Variants in THSD7B observed in about 807,000 individuals in gnomAD.
The protein encoded by THSD7B is thrombospondin type-1 domain-containing protein 7B.
THSD7B carries 138 observed loss-of-function variants against 213.6 expected under a neutral mutation model. The observed-to-expected ratio is 0.65, with a 90% CI of 0.56 to 0.74. THSD7B has a LOEUF of 0.74. Ranked by LOEUF, THSD7B falls within the 30% of genes least tolerant of loss-of-function variation. THSD7B has a pLI of 0.00. For missense variants in THSD7B, 1,931 were observed against 1,991.5 expected (o/e 0.97, Z 0.58); for synonymous variants, 742 against 687.0 (o/e 1.08, Z -1.25).
chr2:137,044,048 G>T (rs1040217424), intron 2 of THSD7B, among the ~76,000 whole-genome samples: 1 of 152,034 alleles, frequency 6.6e-6, no homozygotes, highest in South Asian at 2.1e-4. Flanking sequence ...GGTTTTAGTC[G>T]GGAACCTGTA....
At chr2:136,801,149 A>G (rs988613972) in intron 1 of THSD7B, among the ~76,000 whole-genome samples, 3 of 152,098 alleles carry the variant, frequency 2.0e-5, no homozygotes, top group Non-Finnish European at 4.4e-5. Flanking sequence ...ATTTACTCCG[A>G]CAAATGATGT....
chr2:136,903,919 CTGTGA>C (rs201500888), intron 2 of THSD7B, among the ~76,000 whole-genome samples: 5,973 of 146,796 alleles, frequency 0.041, 187 homozygotes, highest in South Asian at 0.077. Context: ...CAGAGTCTTC[CTGTGA>C]GGTGTGTGTG....
chr2:137,650,638 G>A (rs1314776779), intron 21 of THSD7B, among the ~76,000 whole-genome samples: 1 of 152,176 alleles, frequency 6.6e-6, no homozygotes, highest in Non-Finnish European at 1.5e-5. Context: ...AGTGGTAAAA[G>A]TAGGCATCCT....
chr2:137,213,449 A>C (rs1681166690), intron 7 of THSD7B, among the ~76,000 whole-genome samples: 1 of 148,050 alleles, frequency 6.8e-6, no homozygotes, highest in Non-Finnish European at 1.5e-5. Flanking sequence ...ATATATTATA[A>C]TATATTGTCA....
chr2:136,853,146 T>C (rs1683127410), intron 1 of THSD7B, among the ~76,000 whole-genome samples: 1 of 152,116 alleles, frequency 6.6e-6, no homozygotes, highest in African/African-American at 2.4e-5. Flanking sequence ...TATTCCACTG[T>C]ACAGCCCTCT....
chr2:137,478,445 C>T (rs1023901940), intron 15 of THSD7B, among the ~76,000 whole-genome samples: 1 of 152,040 alleles, frequency 6.6e-6, no homozygotes, highest in Admixed American at 6.5e-5. Flanking sequence ...TTGTTATCCA[C>T]CTCTGGTAAA....
chr2:137,497,212 G>GACACACAC (rs58249868), intron 15 of THSD7B, among the ~76,000 whole-genome samples: 3 of 150,228 alleles, frequency 2.0e-5, no homozygotes, highest in Admixed American at 2.0e-4. Context: ...CACACACACA[G>GACACACAC]ACACACACAC....
intron 2 of THSD7B, among the ~76,000 whole-genome samples, chr2:136,994,272 A>G (rs1018846715): frequency 5.9e-5 from 9 of 152,234 alleles, no homozygotes; most frequent in Non-Finnish European, 1.2e-4. Flanking sequence ...TGAAAATCTA[A>G]GAAAGCCTAT....
At chr2:137,098,214 C>A (rs898499290) in intron 4 of THSD7B, among the ~76,000 whole-genome samples, 1 of 152,120 alleles carries the variant, frequency 6.6e-6, no homozygotes, top group African/African-American at 2.4e-5. Context: ...CTATTTGATT[C>A]TTCATAGTGT....
intron 12 of THSD7B, among the ~76,000 whole-genome samples, chr2:137,327,255 G>A (rs1430962609): frequency 6.6e-6 from 1 of 152,188 alleles, no homozygotes; most frequent in East Asian, 1.9e-4. Flanking sequence ...GACATTCTGT[G>A]ACATCTGCTG....
At chr2:137,187,850 C>T (rs746011608) in intron 7 of THSD7B, among the ~76,000 whole-genome samples, 1 of 151,942 alleles carries the variant, frequency 6.6e-6, no homozygotes, top group Non-Finnish European at 1.5e-5. Flanking sequence ...ATTTATTTTA[C>T]TTATTTTTAA....
chr2:137,312,920 C>A (rs1484958437), intron 12 of THSD7B, among the ~76,000 whole-genome samples: 2 of 150,640 alleles, frequency 1.3e-5, no homozygotes, highest in African/African-American at 2.4e-5. Flanking sequence ...GAGAGCTTTA[C>A]TTCCAAGTAT....
intron 2 of THSD7B, among the ~76,000 whole-genome samples, chr2:136,892,580 C>T: frequency 6.6e-6 from 1 of 151,516 alleles, no homozygotes; most frequent in Non-Finnish European, 1.5e-5. Context: ...TCACGTATAT[C>T]CTCTCTTTTG....
intron 1 of THSD7B, among the ~76,000 whole-genome samples, chr2:136,800,309 G>C (rs891721552): frequency 6.6e-6 from 1 of 151,792 alleles, no homozygotes; most frequent in African/African-American, 2.4e-5. Flanking sequence ...CCTTTAGGGA[G>C]GTGATTAAGC....
intron 2 of THSD7B, among the ~76,000 whole-genome samples, chr2:136,913,542 G>A (rs1458415568): frequency 6.6e-6 from 1 of 152,218 alleles, no homozygotes; most frequent in African/African-American, 2.4e-5. Context: ...AGGCCCAGGA[G>A]GAAAAAGTGG....
Position 136,903,964 on chromosome 2 carries a change from GTGTGTGTGTTTGTT to G in THSD7B, c.139+21651_139+21664del, listed in dbSNP as rs780561018. Among the ~76,000 whole-genome samples, 61 of 66,560 alleles carry G rather than the reference GTGTGTGTGTTTGTT, an allele frequency of 9.2e-4. 2 individuals carry two copies. The highest frequency in any genetic ancestry group is 0.023 in the Middle Eastern group (2 of 88). 43.7% of individuals were successfully genotyped at this position (66,560 alleles called of 152,430 possible). Reference sequence around the variant, plus strand: ...TGTGTGTGTGTGTGTGTGTGTGTGTGTGTGTGTGTTTGTTTGTTTCTGAGCTGGGCCGGCAGCAT... The same window carrying G: ...TGTGTGTGTGTGTGTGTGTGTGTGTGTGTTTCTGAGCTGGGCCGGCAGCAT... On this transcript the variant is annotated intron_variant, in intron 2 of 27. Transcript: ENST00000409968.
chr2:137,339,762 A>G (rs919736084), intron 12 of THSD7B, among the ~76,000 whole-genome samples: 1 of 151,526 alleles, frequency 6.6e-6, no homozygotes, highest in Non-Finnish European at 1.5e-5. Context: ...TCACTTCCAT[A>G]TAGACATGTC....
chr2:136,909,709 C>T (rs1684226002), intron 2 of THSD7B, among the ~76,000 whole-genome samples: 1 of 152,142 alleles, frequency 6.6e-6, no homozygotes, highest in Non-Finnish European at 1.5e-5. Flanking sequence ...GGTTGTTAAT[C>T]GAGGGCTTAT....
intron 17 of THSD7B, among the ~76,000 whole-genome samples, chr2:137,602,232 G>A (rs976985428): frequency 2.6e-5 from 4 of 152,046 alleles, no homozygotes; most frequent in Non-Finnish European, 5.9e-5. Context: ...ATAAAGGAAA[G>A]ACATTTATTT....
Sources: gnomAD v4.1 joint callset for allele counts (sites outside exome capture counted in the v4.1 genomes callset) on GRCh38, gnomAD v4.1.1 for gene constraint, MANE v1.5 for transcripts, NCBI Gene and HGNC (gene_info 2026-07-23, HGNC 2026-07-21) for gene names.